The following FAM184B variants were observed in gnomAD, a reference collection of about 807,000 sequenced individuals.
FAM184B encodes family with sequence similarity 184 member B, also known as protein FAM184B.
A neutral mutation model predicts 135.9 loss-of-function variants in FAM184B; 111 were observed. The ratio of observed to expected loss-of-function variants is 0.82; its 90% CI spans 0.70 to 0.96. The LOEUF (loss-of-function observed/expected upper bound fraction) is 0.96, where lower values mean the gene tolerates loss of function less well. Among genes scored for constraint, FAM184B ranks in the 40% least tolerant of loss-of-function variants. FAM184B has a pLI of 0.00. For missense variants in FAM184B, 1,375 were observed against 1,323.9 expected (o/e 1.04, Z -0.60); for synonymous variants, 552 against 524.8 (o/e 1.05, Z -0.71).
intron 10 of FAM184B, among the ~76,000 whole-genome samples, chr4:17,655,147 C>T (rs962684558): frequency 6.6e-6 from 1 of 152,154 alleles, no homozygotes; most frequent in African/African-American, 2.4e-5. Context: ...TGCCTGATTG[C>T]GAGTTTATTT....
At chr4:17,780,921 C>T (rs1029099826) in intron 1 of FAM184B, among the ~76,000 whole-genome samples, 1 of 152,182 alleles carries the variant, frequency 6.6e-6, no homozygotes, top group Non-Finnish European at 1.5e-5. Context: ...AGACCACCTG[C>T]CCAGCCAGCA....
At chr4:17,721,123 G>A (rs1393902269) in intron 1 of FAM184B, among the ~76,000 whole-genome samples, 1 of 151,186 alleles carries the variant, frequency 6.6e-6, no homozygotes, top group Non-Finnish European at 1.5e-5. Flanking sequence ...GGTGGCTTAC[G>A]CCTGTAATCC....
At chr4:17,658,854 C>G (rs1482868686) in intron 9 of FAM184B, among the ~76,000 whole-genome samples, 1 of 152,126 alleles carries the variant, frequency 6.6e-6, no homozygotes. Flanking sequence ...CCCCTCCTCC[C>G]TCAGGTGCTG....
At chr4:17,724,401 G>A (rs893251337) in intron 1 of FAM184B, among the ~76,000 whole-genome samples, 14 of 152,168 alleles carry the variant, frequency 9.2e-5, no homozygotes, top group African/African-American at 2.9e-4. Flanking sequence ...CTGGGACACA[G>A]CCCTGGGAGA....
intron 5 of FAM184B, among the ~76,000 whole-genome samples, chr4:17,695,628 GA>G (rs1463728959): frequency 6.6e-6 from 1 of 152,126 alleles, no homozygotes; most frequent in Admixed American, 6.6e-5. Context: ...TAGAACTTGG[GA>G]TATATGTGGA....
chr4:17,671,205 A>G (rs941303828), intron 7 of FAM184B, among the ~76,000 whole-genome samples: 6 of 152,122 alleles, frequency 3.9e-5, no homozygotes, highest in Non-Finnish European at 7.4e-5. Context: ...GAAGTACCAT[A>G]TGATCATGAA....
At chr4:17,713,151 C>G (rs916412090) in intron 1 of FAM184B, among the ~76,000 whole-genome samples, 8 of 152,222 alleles carry the variant, frequency 5.3e-5, no homozygotes, top group African/African-American at 1.9e-4. Context: ...TCCCCAGTGC[C>G]TGGCTCAAGT....
intron 5 of FAM184B, among the ~76,000 whole-genome samples, chr4:17,699,761 C>CA (rs1716943277): frequency 1.3e-5 from 2 of 152,024 alleles, no homozygotes; most frequent in South Asian, 4.1e-4. Context: ...ATGAAGACTG[C>CA]AGAAATGGCA....
intron 1 of FAM184B, among the ~76,000 whole-genome samples, chr4:17,714,017 T>C (rs1717350053): frequency 1.3e-5 from 2 of 152,178 alleles, no homozygotes; most frequent in South Asian, 4.1e-4. Flanking sequence ...GGGCCTTGCC[T>C]CCTCATCCTT....
intron 6 of FAM184B, among the ~76,000 whole-genome samples, chr4:17,691,811 T>A (rs1160286768): frequency 6.6e-6 from 1 of 151,820 alleles, no homozygotes; most frequent in East Asian, 1.9e-4. Flanking sequence ...TCCCAGCACT[T>A]TGGGAGGCCA....
intron 14 of FAM184B, 35 bp downstream of exon 14, chr4:17,639,215 G>A (rs1390211793): frequency 3.9e-6 from 6 of 1,548,192 alleles, no homozygotes; most frequent in Non-Finnish European, 4.4e-6. Context: ...TGGTACATTT[G>A]CAAGACCCTC....
chr4:17,718,437 A>G (rs1474109125), intron 1 of FAM184B, among the ~76,000 whole-genome samples: 6 of 152,334 alleles, frequency 3.9e-5, no homozygotes, highest in African/African-American at 1.4e-4. Context: ...AAAACAGAAC[A>G]AATAAGACCA....
At chr4:17,748,822 G>C (rs1718234285) in intron 1 of FAM184B, among the ~76,000 whole-genome samples, 1 of 151,700 alleles carries the variant, frequency 6.6e-6, no homozygotes, top group Admixed American at 6.6e-5. Flanking sequence ...TGGCCTTCCT[G>C]TATAATTTTT....
chr4:17,732,775 G>A (rs1441349932), intron 1 of FAM184B, among the ~76,000 whole-genome samples: 43 of 152,020 alleles, frequency 2.8e-4, no homozygotes, highest in Admixed American at 2.8e-3. Context: ...GAGCTGGTAC[G>A]ATTCCTTCTG....
chr4:17,672,434 G>C (rs1716199301), intron 7 of FAM184B, among the ~76,000 whole-genome samples: 1 of 152,106 alleles, frequency 6.6e-6, no homozygotes. Flanking sequence ...GGGCTTTCTT[G>C]TCTTGTTCTA....
intron 2 of FAM184B, among the ~76,000 whole-genome samples, chr4:17,708,687 A>G (rs1203619899): frequency 3.8e-4 from 19 of 49,882 alleles, no homozygotes; most frequent in African/African-American, 9.4e-4. Flanking sequence ...ATATATATAT[A>G]TATATATATA....
At chr4:17,727,506 C>T (rs1341901009) in intron 1 of FAM184B, among the ~76,000 whole-genome samples, 1 of 152,216 alleles carries the variant, frequency 6.6e-6, no homozygotes. Flanking sequence ...AATTGACTCA[C>T]AGTTCCACAT....
chr4:17,723,079 G>C (rs1470087201), intron 1 of FAM184B, among the ~76,000 whole-genome samples: 8 of 152,022 alleles, frequency 5.3e-5, no homozygotes, highest in Non-Finnish European at 8.8e-5. Flanking sequence ...AAATAGACAT[G>C]CATATCCATT....
intron 1 of FAM184B, among the ~76,000 whole-genome samples, chr4:17,743,121 T>C (rs1718081215): frequency 6.6e-6 from 1 of 152,208 alleles, no homozygotes; most frequent in African/African-American, 2.4e-5. Flanking sequence ...GCCACTCCAG[T>C]TCCTGCCCAC....
Sources: gnomAD v4.1 joint callset for allele counts (sites outside exome capture counted in the v4.1 genomes callset) on GRCh38, gnomAD v4.1.1 for gene constraint, MANE v1.5 for transcripts, NCBI Gene and HGNC (gene_info 2026-07-23, HGNC 2026-07-21) for gene names.